The following TPD52 variants were observed in gnomAD, a reference collection of about 807,000 sequenced individuals.
TPD52 encodes tumor protein D52.
In TPD52, 17 loss-of-function variants were observed where a neutral mutation model predicts 31.3. The observed-to-expected ratio is 0.54, with a 90% CI of 0.37 to 0.82. TPD52 has a LOEUF of 0.82. TPD52 is among the 40% of genes least tolerant of loss of function. The pLI is 0.00. For missense variants in TPD52, 212 were observed against 240.1 expected (o/e 0.88, Z 0.77); for synonymous variants, 83 against 89.6 (o/e 0.93, Z 0.42).
chr8:80,166,507 C>T (rs935217670), intron 1 of TPD52, among the ~76,000 whole-genome samples: 4 of 151,540 alleles, frequency 2.6e-5, no homozygotes, highest in South Asian at 4.2e-4. Context: ...GCTGAGATTA[C>T]AGGCATGAGC....
chr8:80,134,392 C>A (rs2131100918), intron 1 of TPD52, among the ~76,000 whole-genome samples: 1 of 152,314 alleles, frequency 6.6e-6, no homozygotes, highest in Admixed American at 6.5e-5. Context: ...TTTCCAATGT[C>A]TTAATGCTCA....
intron 5 of TPD52, among the ~76,000 whole-genome samples, chr8:80,047,329 G>A (rs950443853): frequency 9.2e-5 from 14 of 152,038 alleles, no homozygotes; most frequent in Admixed American, 7.2e-4. Flanking sequence ...CTATTGTCTC[G>A]CTGGGCTTAT....
rs190857071 is a variant in TPD52 at position 80,152,576 on chromosome 8, T to C, written c.19+18849A>G. ...CAGGTAGATCACCTGAGGTCAGGAG[T>C]CCGAGACCAGCCGGGTCAACATGGT... On this transcript the variant is annotated intron_variant, in intron 1 of 7. Transcript: ENST00000518937. 4.8e-4 allele frequency among the ~76,000 whole-genome samples: 72 copies of C among 151,432 alleles called. 1 individual carries two copies. The highest frequency in any genetic ancestry group is 1.7e-3 in the African/African-American group (70 of 41,230).
intron 1 of TPD52, among the ~76,000 whole-genome samples, chr8:80,125,421 A>C: frequency 6.6e-6 from 1 of 152,166 alleles, no homozygotes; most frequent in Middle Eastern, 3.2e-3. Context: ...GTCCCATTAA[A>C]AAACAAACAA....
At chr8:80,104,575 A>AC (rs1261160220) in intron 1 of TPD52, among the ~76,000 whole-genome samples, 2 of 151,072 alleles carry the variant, frequency 1.3e-5, no homozygotes, top group Admixed American at 1.3e-4. Flanking sequence ...AAAAAAAAAA[A>AC]AACAACAACA....
At chr8:80,120,217 C>T (rs952647440) in intron 1 of TPD52, among the ~76,000 whole-genome samples, 5 of 152,234 alleles carry the variant, frequency 3.3e-5, no homozygotes, top group East Asian at 3.9e-4. Context: ...AGGCTGGACG[C>T]GGTGGCTCAT....
At chr8:80,154,709 ACACACACAC>A in intron 1 of TPD52, among the ~76,000 whole-genome samples, 1 of 6,566 alleles carries the variant, frequency 1.5e-4, no homozygotes, top group African/African-American at 3.2e-4. Flanking sequence ...CATGACATAC[ACACACACAC>A]ACACACACAC....
At chr8:80,034,637 A>C (rs906420947), downstream of TPD52, 2 of 152,250 alleles carry the variant, frequency 1.3e-5, no homozygotes, top group African/African-American at 4.8e-5. Flanking sequence ...AAGAATTCTA[A>C]TACTAAAAAA....
At chr8:80,038,604 A>G (rs1419644852) in intron 7 of TPD52, among the ~76,000 whole-genome samples, 2 of 152,246 alleles carry the variant, frequency 1.3e-5, no homozygotes, top group African/African-American at 4.8e-5. Flanking sequence ...TTGCTCATTT[A>G]GCTACACTCA....
intron 1 of TPD52, among the ~76,000 whole-genome samples, chr8:80,109,444 TC>T (rs1200555399): frequency 5.3e-5 from 8 of 152,140 alleles, no homozygotes; most frequent in African/African-American, 1.9e-4. Flanking sequence ...CTCAAGCTTG[TC>T]CCCCAAGCTG....
At chr8:80,136,561 G>A (rs1029562982) in intron 1 of TPD52, among the ~76,000 whole-genome samples, 2 of 142,074 alleles carry the variant, frequency 1.4e-5, no homozygotes, top group Non-Finnish European at 3.0e-5. Context: ...AGAAAACAGT[G>A]CTCACCATTA....
chr8:80,098,860 C>A (rs546570642), intron 1 of TPD52, among the ~76,000 whole-genome samples: 2 of 152,326 alleles, frequency 1.3e-5, no homozygotes, highest in East Asian at 3.9e-4. Context: ...ATTGCCACGG[C>A]CAGCTCAACC....
At chr8:80,096,594 G>A (rs191112998) in intron 1 of TPD52, among the ~76,000 whole-genome samples, 84 of 152,120 alleles carry the variant, frequency 5.5e-4, no homozygotes, top group East Asian at 1.4e-3. Flanking sequence ...ATCACATTTT[G>A]CTAATTCTCT....
chr8:80,144,395 A>G (rs1300473998), intron 1 of TPD52, among the ~76,000 whole-genome samples: 3 of 152,214 alleles, frequency 2.0e-5, no homozygotes, highest in Non-Finnish European at 4.4e-5. Flanking sequence ...CCATAAAAAA[A>G]CTAATCAATA....
chr8:80,154,992 TG>T (rs1810853595), intron 1 of TPD52, among the ~76,000 whole-genome samples: 1 of 138,046 alleles, frequency 7.2e-6, no homozygotes, highest in South Asian at 2.2e-4. Context: ...TTTGTGTTTT[TG>T]GTTTTTTGTT....
Position 80,051,549 on chromosome 8 carries a change from T to C in TPD52, c.364A>G (p.Thr122Ala), listed in dbSNP as rs765579452. 123 of 1,613,666 alleles carry C rather than the reference T, an allele frequency of 7.6e-5. No individual in the cohort carries two copies. Among genetic ancestry groups the C allele is most frequent in the Non-Finnish European group, 9.8e-5 (116 of 1,179,796 alleles). The change falls in exon 4 of 8, where the codon ACC (threonine) becomes GCC (alanine). Residue 122 changes from threonine (T) to alanine (A), a missense_variant. Transcript: ENST00000518937. ...AAFSSVGSVI[T>A]KKLEDVKLQA... ...TACTTTACATCTTCCAGCTTTTTGG[T>C]GATGACTGAGCCAACAGACGAAAAA...
chr8:80,168,223 C>T (rs1366118374), intron 1 of TPD52, among the ~76,000 whole-genome samples: 10 of 152,136 alleles, frequency 6.6e-5, no homozygotes, highest in African/African-American at 1.2e-4. Flanking sequence ...TTAGAATACT[C>T]GTGGTTGAAA....
At chr8:80,101,381 G>A (rs889876856) in intron 1 of TPD52, among the ~76,000 whole-genome samples, 3 of 149,408 alleles carry the variant, frequency 2.0e-5, no homozygotes, top group African/African-American at 7.4e-5. Flanking sequence ...CCGGGAGGTG[G>A]AGGTTGCAGT....
At chr8:80,056,756 T>C (rs527581618) in intron 2 of TPD52, among the ~76,000 whole-genome samples, 1 of 152,036 alleles carries the variant, frequency 6.6e-6, no homozygotes, top group Non-Finnish European at 1.5e-5. Flanking sequence ...ACACAGCTGG[T>C]GAGAATGTAA....
Sources: gnomAD v4.1 joint callset for allele counts (sites outside exome capture counted in the v4.1 genomes callset) on GRCh38, gnomAD v4.1.1 for gene constraint, MANE v1.5 for transcripts, NCBI Gene and HGNC (gene_info 2026-07-23, HGNC 2026-07-21) for gene names.